The following ALAS2 variants were observed in gnomAD, a reference collection of about 807,000 sequenced individuals.
The protein encoded by ALAS2 is 5-aminolevulinate synthase, erythroid-specific, mitochondrial.
Under a neutral mutation model 33.7 loss-of-function variants are expected in ALAS2, and 3 were observed. The observed-to-expected ratio is 0.09, with a 90% CI of 0.04 to 0.23. ALAS2 has a LOEUF of 0.23. Among genes scored for constraint, ALAS2 ranks in the 10% least tolerant of loss-of-function variants. ALAS2 has a pLI of 1.00. For missense variants in ALAS2, 304 were observed against 475.1 expected, an observed-to-expected ratio of 0.64 and a Z score of 3.35; for synonymous variants, 191 against 177.3, an observed-to-expected ratio of 1.08 and a Z score of -0.61.
rs775943770 is a variant in ALAS2 at position 55,026,246 on chromosome X, C to A, written c.-15-231G>T. ...AAAGGGGTGAAGGAAACAGTTCTAA[C>A]TGGAGGTCAGAAAGCCTGGATTCTG... On this transcript the variant is annotated intron_variant, in intron 1 of 10. Transcript: ENST00000650242. Among the ~76,000 whole-genome samples the A allele has an allele frequency of 3.6e-5, 4 of 112,069 alleles. No individual in the cohort carries two copies. In the South Asian group the frequency reaches 1.5e-3, roughly 42 times the overall value.
chrX:55,023,227 G>A (rs1465137763), intron 4 of ALAS2, among the ~76,000 whole-genome samples: 1 of 105,840 alleles, frequency 9.4e-6, no homozygotes, highest in Non-Finnish European at 1.9e-5. Flanking sequence ...TGTGTGTGTA[G>A]CCATAGAAAA....
Position 55,030,955 on chromosome X carries a change from C to T in ALAS2, c.-29G>A. ...AGCAGCTCTTACCTGTTGCCCTGCA[C>T]TGAGGACGAACGAATGACAGGTGGG... On this transcript the variant is annotated 5_prime_UTR_variant, in exon 1 of 11. The change creates a new upstream start codon in the 5' untranslated region. Coordinates refer to ENST00000650242, the MANE Select transcript of ALAS2 (RefSeq NM_000032.5). 1 of 342,360 alleles carries T rather than the reference C, an allele frequency of 2.9e-6. No individual in the cohort carries two copies. Among genetic ancestry groups the T allele is most frequent in the Non-Finnish European group, 5.9e-6 (1 of 170,107 alleles). 28.2% of individuals were successfully genotyped at this position (342,360 alleles called of 1,213,427 possible). A position where few individuals can be genotyped will look rare whatever the true frequency, so the allele number is the denominator to read the frequency against.
At chrX:55,009,608 T>C (rs1935567531) in intron 10 of ALAS2, among the ~76,000 whole-genome samples, 1 of 111,510 alleles carries the variant, frequency 9.0e-6, no homozygotes, top group African/African-American at 3.3e-5. Context: ...ACTCCCTAAG[T>C]ATAGGATGTG....
intron 10 of ALAS2, among the ~76,000 whole-genome samples, chrX:55,012,190 T>C (rs945351682): frequency 8.9e-6 from 1 of 112,359 alleles, no homozygotes; most frequent in Non-Finnish European, 1.9e-5. Context: ...ACATACCCAC[T>C]GCTTTCCTAT....
rs1935670735 is a variant in ALAS2, at chrX:55,014,782, C to T, written c.1402G>A (p.Val468Ile). 1.7e-6 allele frequency: 2 copies of T among 1,193,121 alleles called. No homozygotes were observed. The highest frequency in any genetic ancestry group is 1.7e-5 in the African/African-American group (1 of 57,529). Reference sequence around the variant, plus strand: ...ATGATGTGGCTGGGGCAGGGGATGACAGGAAGGCCCCTGTCCATGAGTAGC... The same window carrying T: ...ATGATGTGGCTGGGGCAGGGGATGATAGGAAGGCCCCTGTCCATGAGTAGC... The part of the protein sequence containing the change: ...RQLLMDRGLP[V>I]IPCPSHIIPI... Residue 468 changes from valine (V) to isoleucine (I), a missense_variant, in exon 9 of 11, where the codon GTC becomes ATC. Physicochemically the swap from Val to Ile is conservative, Grantham distance 29 (BLOSUM62 3). This residue lies in a region of ALAS2 where 95 missense variants were observed against 127.0 expected (regional missense o/e 0.75). Transcript: ENST00000650242.
At chrX:55,014,644 G>C in intron 9 of ALAS2, 103 bp downstream of exon 9, 1 of 982,121 alleles carries the variant, frequency 1.0e-6, no homozygotes, top group African/African-American at 1.9e-5. Context: ...TGGTTAGCAG[G>C]AAAGCAAATA....
chrX:55,009,402 G>A, intron 10 of ALAS2, 59 bp from the exon 11 acceptor site: 1 of 1,102,169 alleles, frequency 9.1e-7, no homozygotes, highest in Admixed American at 2.6e-5. Context: ...TTCCAAATCT[G>A]TCACAGTACA....
chrX:55,019,491 TG>T (rs1935762719), intron 6 of ALAS2, among the ~76,000 whole-genome samples: 1 of 110,333 alleles, frequency 9.1e-6, no homozygotes, highest in African/African-American at 3.3e-5. Flanking sequence ...GGAGGGGGTG[TG>T]GGAAGGCTGA....
intron 1 of ALAS2, chrX:55,027,631 T>C (rs983790193): frequency 1.2e-5 from 8 of 678,483 alleles, no homozygotes; most frequent in Non-Finnish European, 1.9e-5. Flanking sequence ...GAGTAGAATC[T>C]ACTAGCACCC....
At chrX:55,014,618 C>G (rs1453106441) in intron 9 of ALAS2, 129 bp downstream of exon 9, 20 of 865,654 alleles carry the variant, frequency 2.3e-5, no homozygotes, top group Non-Finnish European at 2.8e-5. Context: ...GGAAACAAAG[C>G]TGGCAATAAA....
At chrX:55,012,873 A>C (rs964729737) in intron 10 of ALAS2, among the ~76,000 whole-genome samples, 1 of 111,938 alleles carries the variant, frequency 8.9e-6, no homozygotes, top group African/African-American at 3.3e-5. Context: ...AATTGACTAA[A>C]CTGGCATTTT....
At chrX:55,018,179 G>A (rs1348032957) in intron 6 of ALAS2, among the ~76,000 whole-genome samples, 2 of 111,687 alleles carry the variant, frequency 1.8e-5, no homozygotes. Flanking sequence ...GAGCTGGCAG[G>A]GCTGTTAGTG....
intron 10 of ALAS2, among the ~76,000 whole-genome samples, chrX:55,013,197 C>T (rs1353015943): frequency 9.0e-6 from 1 of 111,596 alleles, no homozygotes; most frequent in Non-Finnish European, 1.9e-5. Flanking sequence ...CAGGCTGAGT[C>T]AGGCCCCTCC....
intron 1 of ALAS2, chrX:55,027,899 T>C (rs1309883619): frequency 2.6e-6 from 2 of 758,156 alleles, no homozygotes; most frequent in Middle Eastern, 2.8e-4. Context: ...AGGGACTAAA[T>C]GAAACAATCC....
rs1935748653 is a variant in ALAS2, at chrX:55,018,770, A to G, written c.824-1105T>C. 4.5e-5 allele frequency among the ~76,000 whole-genome samples: 5 copies of G among 111,247 alleles called. No homozygotes were observed. The Admixed American group carries it at 4.8e-4, about 11-fold the overall frequency. The stretch of plus-strand genomic sequence containing the variant: ...GGGGGTCCACTAAAGGGTTTTGACC[A>G]GGGCTGAGGGTGGGGTGACAAAGAT... On this transcript the variant is annotated intron_variant, in intron 6 of 10. Coordinates refer to ENST00000650242, the MANE Select transcript of ALAS2 (RefSeq NM_000032.5).
chrX:55,026,265 G>A (rs1473628036), intron 1 of ALAS2, among the ~76,000 whole-genome samples: 1 of 112,127 alleles, frequency 8.9e-6, no homozygotes, highest in African/African-American at 3.2e-5. Flanking sequence ...AGAAAGCCTG[G>A]ATTCTGACTC....
At position 55,020,169 on chromosome X, in the gene ALAS2, A is replaced by T; in HGVS notation, c.823+151T>A. On this transcript the variant is annotated intron_variant, in intron 6 of 10. Transcript: ENST00000650242. ...GGAGAGAAAGCAGAGGGATATAATTATCCAGTGTTGAGGATATGCAAGGTG... is the reference window on the plus strand; with the variant it reads ...GGAGAGAAAGCAGAGGGATATAATTTTCCAGTGTTGAGGATATGCAAGGTG... The T allele has an allele frequency of 7.1e-6, 4 of 562,478 alleles. No homozygotes were observed. In the Admixed American group the frequency reaches 1.2e-4, roughly 16 times the overall value. The allele number at this position is 562,478 out of a possible 1,213,427, so 46.4% of individuals were successfully genotyped here.
At position 55,015,725 on chromosome X, in the gene ALAS2, C is replaced by T. The variant is rs142713771; in HGVS notation, c.1021G>A (p.Glu341Lys). ...TGGTGGGACACATCACACAACTCCT[C>T]GAGGGGACAGATGGCACCTGAGCAA... ...HSMDGAICPL[E>K]ELCDVSHQYG... is the part of the protein sequence containing the mutation. The change falls in exon 8 of 11, where the codon GAG becomes AAG. Residue 341 changes from glutamate (E) to lysine (K), a missense_variant. Glu to Lys is a moderately conservative substitution (Grantham distance 56, BLOSUM62 1). Around this residue, in one of 3 missense-constraint regions of ALAS2, gnomAD observed 138 missense variants for 265.3 expected, o/e 0.52. Transcript: ENST00000650242. 20 of 1,208,816 alleles carry T rather than the reference C, an allele frequency of 1.7e-5. No individual in the cohort carries two copies. Among genetic ancestry groups the T allele is most frequent in the South Asian group, 3.5e-5 (2 of 56,690 alleles).
At chrX:55,015,509 G>A in intron 8 of ALAS2, 69 bp downstream of exon 8, 1 of 1,157,926 alleles carries the variant, frequency 8.6e-7, no homozygotes, top group East Asian at 3.0e-5. Flanking sequence ...TTGGGGAGGA[G>A]GCAGAAAAGA....
Sources: gnomAD v4.1 joint callset for allele counts (sites outside exome capture counted in the v4.1 genomes callset) on GRCh38, gnomAD v4.1.1 for gene constraint, gnomAD v4.1.1 regional missense constraint, MANE v1.5 for transcripts, NCBI Gene and HGNC (gene_info 2026-07-23, HGNC 2026-07-21) for gene names.